Variants in USP47 observed in about 807,000 individuals in gnomAD.
The protein encoded by USP47 is ubiquitin specific peptidase 47.
In USP47, 35 loss-of-function variants were observed where a neutral mutation model predicts 165.1. The observed-to-expected ratio is 0.21, with a 90% CI of 0.16 to 0.28. The LOEUF (loss-of-function observed/expected upper bound fraction) is 0.28, where lower values mean the gene tolerates loss of function less well. Ranked by LOEUF, USP47 falls within the 10% of genes least tolerant of loss-of-function variation. USP47 has a pLI of 1.00. For synonymous variants in USP47, 531 were observed against 544.5 expected (o/e 0.98, Z 0.35); for missense variants, 1,277 against 1,607.4 (o/e 0.79, Z 3.52).
intron 8 of USP47, among the ~76,000 whole-genome samples, chr11:11,919,925 A>T (rs1223074768): frequency 1.3e-5 from 2 of 151,864 alleles, no homozygotes; most frequent in African/African-American, 4.8e-5. Context: ...TGACTGTGAT[A>T]CTGCAATACT....
chr11:11,871,821 T>G (rs1261047548), intron 1 of USP47, among the ~76,000 whole-genome samples: 2 of 152,186 alleles, frequency 1.3e-5, no homozygotes, highest in Non-Finnish European at 2.9e-5. Flanking sequence ...TCTCCCTCCC[T>G]GCACTGCAGC....
At chr11:11,842,604 C>T (rs1357679044) in intron 1 of USP47, among the ~76,000 whole-genome samples, 1 of 152,200 alleles carries the variant, frequency 6.6e-6, no homozygotes, top group Non-Finnish European at 1.5e-5. Flanking sequence ...GGTGACGGTG[C>T]TGCTTCTGGG....
chr11:11,926,612 A>T (rs1423826378), intron 11 of USP47, among the ~76,000 whole-genome samples: 3 of 151,104 alleles, frequency 2.0e-5, no homozygotes, highest in African/African-American at 7.2e-5. Context: ...TCTTTTCAAA[A>T]AGCCAGCTCT....
intron 1 of USP47, among the ~76,000 whole-genome samples, chr11:11,843,676 A>G (rs557200113): frequency 4.3e-4 from 66 of 152,380 alleles, no homozygotes; most frequent in African/African-American, 1.5e-3. Flanking sequence ...TTAGAAAAAT[A>G]TCATATAGGT....
intron 13 of USP47, 74 bp from the exon 14 acceptor site, chr11:11,930,622 A>G (rs1400056229): frequency 9.0e-7 from 1 of 1,111,878 alleles, no homozygotes; most frequent in Non-Finnish European, 1.3e-6. Context: ...CACAATTTAA[A>G]TATTTCATGC....
chr11:11,880,393 A>G lies in USP47; in HGVS notation c.243+13A>G, dbSNP rs1484833941. The G allele has an allele frequency of 9.4e-6, 12 of 1,275,012 alleles. No individual in the cohort carries two copies. The East Asian group carries it at 1.9e-4, about 20-fold the overall frequency. The allele number at this position is 1,275,012 out of a possible 1,614,324, so 79.0% of individuals were successfully genotyped here. On this transcript the variant is annotated intron_variant, in intron 2 of 27. Coordinates refer to ENST00000527733, the MANE Select transcript of USP47 (RefSeq NM_001282659.2). ...TACTGCTGATATGGTAAAATCCTAG[A>G]CTTAAGCTTCTAAAAATGTTATTAT...
At position 11,950,454 on chromosome 11, in the gene USP47, C is replaced by A; in HGVS notation, c.3555C>A (p.Asn1185Lys). Residue 1185 changes from asparagine to lysine, a missense_variant, in exon 24 of 28, where the codon AAC becomes AAA. Transcript: ENST00000527733. The stretch of plus-strand genomic sequence containing the variant: ...AAGAAGATATTAATATTTCCAGCAA[C>A]TGGGAGGTTTTCCTTGAAGTTCTTG... ...IYEEDINISS[N>K]WEVFLEVLDG... 6.2e-7 allele frequency: 1 copy of A among 1,605,614 alleles called. No individual in the cohort carries two copies. The highest frequency in any genetic ancestry group is 8.5e-7 in the Non-Finnish European group (1 of 1,177,106).
intron 9 of USP47, 25 bp from the exon 10 acceptor site, chr11:11,920,317 C>A (rs921998837): frequency 6.2e-7 from 1 of 1,605,842 alleles, no homozygotes; most frequent in Non-Finnish European, 8.5e-7. Flanking sequence ...ATAGACTCTC[C>A]CCCTTTTTGT....
At chr11:11,922,192 A>T (rs116004366) in intron 10 of USP47, among the ~76,000 whole-genome samples, 1 of 151,960 alleles carries the variant, frequency 6.6e-6, no homozygotes, top group Non-Finnish European at 1.5e-5. Context: ...GAAAAGTATA[A>T]TGTGCTGTAA....
At chr11:11,850,641 G>C (rs1848674795) in intron 1 of USP47, among the ~76,000 whole-genome samples, 1 of 152,118 alleles carries the variant, frequency 6.6e-6, no homozygotes, top group Admixed American at 6.5e-5. Flanking sequence ...TGGAAGCTCT[G>C]CTTTTGTGTG....
chr11:11,931,270 A>T (rs1362834217), intron 14 of USP47, among the ~76,000 whole-genome samples: 1 of 152,138 alleles, frequency 6.6e-6, no homozygotes, highest in African/African-American at 2.4e-5. Context: ...TTCAAGCATT[A>T]TGTTTTTATT....
chr11:11,859,802 G>A (rs1053381599), intron 1 of USP47, among the ~76,000 whole-genome samples: 3 of 151,914 alleles, frequency 2.0e-5, no homozygotes, highest in African/African-American at 7.3e-5. Context: ...TCTCCCCTTC[G>A]ATAGAAAAAC....
intron 4 of USP47, among the ~76,000 whole-genome samples, chr11:11,894,666 A>C (rs1250457060): frequency 6.6e-6 from 1 of 152,202 alleles, no homozygotes; most frequent in Admixed American, 6.5e-5. Flanking sequence ...CAATTGATTC[A>C]GTCATTTTTG....
chr11:11,875,833 C>G (rs1306351836), intron 1 of USP47, among the ~76,000 whole-genome samples: 1 of 152,220 alleles, frequency 6.6e-6, no homozygotes, highest in African/African-American at 2.4e-5. Flanking sequence ...GAACTCCTCA[C>G]CTGAAGTGAT....
intron 18 of USP47, among the ~76,000 whole-genome samples, chr11:11,939,333 T>C (rs1855307910): frequency 6.6e-6 from 1 of 151,992 alleles, no homozygotes; most frequent in South Asian, 2.1e-4. Context: ...TATGGTAGTC[T>C]TGTCTTTCAT....
intron 1 of USP47, among the ~76,000 whole-genome samples, chr11:11,848,607 ATTTTTTTTT>A (rs35165430): frequency 1.8e-5 from 2 of 113,482 alleles, no homozygotes; most frequent in Non-Finnish European, 3.6e-5. Context: ...TGAAACTGGC[ATTTTTTTTT>A]TTTTTTTTTT....
At chr11:11,888,222 A>T (rs1324932213) in intron 3 of USP47, among the ~76,000 whole-genome samples, 1 of 152,100 alleles carries the variant, frequency 6.6e-6, no homozygotes, top group African/African-American at 2.4e-5. Context: ...TCAGCACAGA[A>T]ATGAAGGAGA....
At chr11:11,915,576 T>C (rs903768068) in intron 8 of USP47, among the ~76,000 whole-genome samples, 2 of 152,188 alleles carry the variant, frequency 1.3e-5, no homozygotes, top group Non-Finnish European at 2.9e-5. Context: ...GCCATAGTTT[T>C]GCAAAATGTT....
At chr11:11,859,115 C>T (rs1849230965) in intron 1 of USP47, among the ~76,000 whole-genome samples, 1 of 152,004 alleles carries the variant, frequency 6.6e-6, no homozygotes, top group South Asian at 2.1e-4. Flanking sequence ...ATTTTCCTAA[C>T]GACTGATAAC....
Sources: allele counts gnomAD v4.1 joint callset (sites outside exome capture counted in the v4.1 genomes callset), GRCh38; gene constraint gnomAD v4.1.1; transcripts MANE v1.5; gene names NCBI Gene and HGNC (gene_info 2026-07-23, HGNC 2026-07-21).